The following OPA1 variants were observed in gnomAD, a reference collection of about 807,000 sequenced individuals.
The protein encoded by OPA1 is dynamin-like GTPase OPA1, mitochondrial.
Under a neutral mutation model 152.9 loss-of-function variants are expected in OPA1, and 59 were observed. That is an observed-to-expected ratio of 0.39 (90% confidence interval 0.31 to 0.48). The LOEUF (loss-of-function observed/expected upper bound fraction) is 0.48, where lower values mean the gene tolerates loss of function less well. Among genes scored for constraint, OPA1 ranks in the 20% least tolerant of loss-of-function variants. The probability of loss-of-function intolerance (pLI) is 0.96; values close to 1 mark genes in which losing one functional copy is unlikely to be tolerated. For missense variants in OPA1, 1,008 were observed against 1,216.8 expected (o/e 0.83, Z 2.55); for synonymous variants, 400 against 389.9 (o/e 1.03, Z -0.31).
At position 193,593,450 on chromosome 3, in the gene OPA1, C is replaced by T. The variant is rs749621808; in HGVS notation, c.32+41C>T. ...AATCTGGCCCCGTTAATTCTGGGGC[C>T]TCTTGAGAGTGGGGCTGTCTTATCT... On this transcript the variant is annotated intron_variant, in intron 1 of 30. Transcript: ENST00000361510. The T allele has an allele frequency of 3.0e-5, 45 of 1,500,216 alleles. 1 individual carries two copies. The South Asian group carries it at 5.4e-4, about 18-fold the overall frequency. 92.9% of individuals were successfully genotyped at this position (1,500,216 alleles called of 1,614,324 possible).
At chr3:193,677,807 G>A (rs767021089) in intron 29 of OPA1, among the ~76,000 whole-genome samples, 7 of 152,148 alleles carry the variant, frequency 4.6e-5, no homozygotes, top group Non-Finnish European at 5.9e-5. Context: ...GCTAATACAC[G>A]ATGTGCTCTA....
chr3:193,659,643 G>A (rs1714747855), intron 25 of OPA1, 82 bp downstream of exon 25: 2 of 1,009,698 alleles, frequency 2.0e-6, no homozygotes, highest in South Asian at 2.8e-5. Flanking sequence ...ACCTTTTTGT[G>A]GCTCTAGACC....
At chr3:193,692,532 T>A (rs370626259) in intron 30 of OPA1, among the ~76,000 whole-genome samples, 1 of 152,228 alleles carries the variant, frequency 6.6e-6, no homozygotes, top group Non-Finnish European at 1.5e-5. Flanking sequence ...TTTGACTTAA[T>A]TAAAATTTTA....
chr3:193,658,772 G>A (rs1214192760), intron 23 of OPA1, 115 bp from the exon 24 acceptor site: 11 of 728,248 alleles, frequency 1.5e-5, no homozygotes, highest in Non-Finnish European at 2.7e-5. Context: ...ATATTTTTAT[G>A]CTGGTTTATA....
At chr3:193,593,943 C>T (rs1725080481) in intron 1 of OPA1, among the ~76,000 whole-genome samples, 1 of 152,140 alleles carries the variant, frequency 6.6e-6, no homozygotes, top group Non-Finnish European at 1.5e-5. Flanking sequence ...AGAACTAGAG[C>T]AATGACGCAC....
intron 29 of OPA1, 158 bp downstream of exon 29, chr3:193,667,438 A>G (rs1194154397): frequency 1.5e-6 from 1 of 672,724 alleles, no homozygotes; most frequent in Non-Finnish European, 2.8e-6. Context: ...TGGGAGGCCA[A>G]GATGGGTGGA....
chr3:193,630,495 T>C (rs1178728643), intron 7 of OPA1, among the ~76,000 whole-genome samples: 1 of 152,216 alleles, frequency 6.6e-6, no homozygotes, highest in African/African-American at 2.4e-5. Flanking sequence ...TTTCATAGCA[T>C]GGACAAGACT....
chr3:193,637,115 CTTTT>C, intron 9 of OPA1, 76 bp from the exon 10 acceptor site: 1 of 729,196 alleles, frequency 1.4e-6, no homozygotes, highest in Non-Finnish European at 2.3e-6. Context: ...GAATTTATCA[CTTTT>C]TTCTCTTGAC....
intron 29 of OPA1, among the ~76,000 whole-genome samples, chr3:193,676,777 C>G (rs111892537): frequency 0.042 from 6,350 of 152,072 alleles, 277 homozygotes; most frequent in African/African-American, 0.11. Flanking sequence ...TCAGGAGATC[C>G]AGACCATCCT....
Position 193,645,801 on chromosome 3 carries a change from G to A in OPA1, c.1754+1G>A. On this transcript the variant is annotated splice_donor_variant, in intron 18 of 30. Coordinates refer to ENST00000361510, the MANE Select transcript of OPA1 (RefSeq NM_130837.3). LOFTEE classifies it high-confidence loss of function. Reference sequence around the variant, plus strand: ...TTTTTCAGAATTCAAAGCTCCTAAAGTAGGTATCTTGTTAAAACATTTAAA... The same window carrying A: ...TTTTTCAGAATTCAAAGCTCCTAAAATAGGTATCTTGTTAAAACATTTAAA... The A allele has an allele frequency of 6.2e-7, 1 of 1,605,048 alleles. No individual in the cohort carries two copies.
chr3:193,666,507 GC>G, intron 28 of OPA1, 118 bp downstream of exon 28: 1 of 883,948 alleles, frequency 1.1e-6, no homozygotes, highest in Non-Finnish European at 1.8e-6. Context: ...AGAAAAACTG[GC>G]CAGGTGTGGT....
At chr3:193,595,754 C>G (rs1156767779) in intron 1 of OPA1, among the ~76,000 whole-genome samples, 4 of 152,078 alleles carry the variant, frequency 2.6e-5, no homozygotes, top group Non-Finnish European at 5.9e-5. Context: ...TATCTTTCTT[C>G]ATTTCTGAGA....
intron 29 of OPA1, among the ~76,000 whole-genome samples, chr3:193,682,634 C>T (rs181436653): frequency 6.6e-6 from 1 of 152,014 alleles, no homozygotes; most frequent in Non-Finnish European, 1.5e-5. Context: ...ATCCTAGGGC[C>T]CTTAAGGATT....
chr3:193,608,461 C>T (rs2108830555), intron 1 of OPA1, among the ~76,000 whole-genome samples: 1 of 152,278 alleles, frequency 6.6e-6, no homozygotes, highest in Non-Finnish European at 1.5e-5. Flanking sequence ...TCGTTATGTA[C>T]CCAGTAGTCA....
At chr3:193,652,171 A>T (rs891570199) in intron 21 of OPA1, among the ~76,000 whole-genome samples, 1 of 152,098 alleles carries the variant, frequency 6.6e-6, no homozygotes, top group Non-Finnish European at 1.5e-5. Context: ...ACTTAAGCTC[A>T]GGAATTCAAG....
In OPA1 at chr3:193,667,223, G is replaced by T. The variant is rs752986280; in HGVS notation, c.2926G>T (p.Gly976Cys). The T allele has an allele frequency of 5.6e-6, 9 of 1,609,734 alleles. No individual in the cohort carries two copies. The highest frequency in any genetic ancestry group is 2.2e-5 in the East Asian group (1 of 44,856). ...GGTATTGGAAGATTTTGCTGAAGAT[G>T]GTGAGAAGAAGATTAAATTGCTTAC... is the stretch of plus-strand genomic sequence containing the variant. ...KEVLEDFAED[G>C]EKKIKLLTGK... The change falls in exon 29 of 31, where the codon GGT becomes TGT. Residue 976 changes from glycine to cysteine, a missense_variant. Physicochemically the swap from Gly to Cys is radical, Grantham distance 159. Transcript: ENST00000361510.
At chr3:193,608,301 T>C (rs1293584394) in intron 1 of OPA1, among the ~76,000 whole-genome samples, 32 of 152,232 alleles carry the variant, frequency 2.1e-4, no homozygotes, top group Admixed American at 2.1e-3. Flanking sequence ...CGTTAGGGTG[T>C]CAATTTTAGA....
At chr3:193,629,849 G>A (rs1731797353) in intron 7 of OPA1, among the ~76,000 whole-genome samples, 1 of 152,032 alleles carries the variant, frequency 6.6e-6, no homozygotes, top group South Asian at 2.1e-4. Flanking sequence ...GTCAAGTAAT[G>A]TTGGATTTTC....
intron 21 of OPA1, among the ~76,000 whole-genome samples, chr3:193,650,511 C>G (rs1311826624): frequency 6.6e-6 from 1 of 152,120 alleles, no homozygotes; most frequent in Non-Finnish European, 1.5e-5. Flanking sequence ...TATCTTTTTG[C>G]TGAATAATCC....
Sources: gnomAD v4.1 joint callset for allele counts (sites outside exome capture counted in the v4.1 genomes callset) on GRCh38, gnomAD v4.1.1 for gene constraint, MANE v1.5 for transcripts, NCBI Gene and HGNC (gene_info 2026-07-23, HGNC 2026-07-21) for gene names.